The following SPACA6 variants were observed in gnomAD, a reference collection of about 807,000 sequenced individuals.
SPACA6 encodes the protein sperm acrosome membrane-associated protein 6.
For synonymous variants in SPACA6, 6 were observed against 1.5 expected (o/e 4.05, Z -2.21); for missense variants, 8 against 2.8 (o/e 2.88, Z -1.34).
chr19:51,705,495 G>T (rs769212260), downstream of SPACA6: 24 of 188,506 alleles, frequency 1.3e-4, no homozygotes, highest in Non-Finnish European at 2.1e-4. Context: ...AGAAACCTTG[G>T]AATCTAACTT....
At chr19:51,710,251 G>A (rs1022312074), downstream of SPACA6, among the ~76,000 whole-genome samples, 2 of 152,226 alleles carry the variant, frequency 1.3e-5, no homozygotes, top group Admixed American at 1.3e-4. Flanking sequence ...TTGAAGGCAA[G>A]CTTCTTAATT....
At chr19:51,684,191 G>T (rs751501102), upstream of SPACA6, among the ~76,000 whole-genome samples, 1 of 152,076 alleles carries the variant, frequency 6.6e-6, no homozygotes, top group Non-Finnish European at 1.5e-5. Flanking sequence ...ATGTGGAGTG[G>T]GTTACTTAAA....
intron 2 of SPACA6, among the ~76,000 whole-genome samples, 161 bp downstream of exon 2, chr19:51,694,716 G>A (rs970886237): frequency 3.4e-5 from 5 of 148,516 alleles, no homozygotes; most frequent in African/African-American, 5.0e-5. Flanking sequence ...TTGTCCAAAC[G>A]AAGGCTGAAG....
downstream of SPACA6, among the ~76,000 whole-genome samples, chr19:51,707,413 G>A (rs983514902): frequency 6.6e-6 from 1 of 151,962 alleles, no homozygotes; most frequent in African/African-American, 2.4e-5. Context: ...AGTAGAGACG[G>A]GGTTTCAATA....
At chr19:51,691,832 G>A (rs34738545), upstream of SPACA6, among the ~76,000 whole-genome samples, 23,835 of 150,026 alleles carry the variant, frequency 0.16, 1,972 homozygotes, top group African/African-American at 0.19. Flanking sequence ...GCTGGGTCCC[G>A]GGGTCCAGAA....
intron 2 of SPACA6, among the ~76,000 whole-genome samples, chr19:51,697,424 C>T (rs754575256): frequency 7.9e-5 from 12 of 152,106 alleles, no homozygotes; most frequent in Admixed American, 3.3e-4. Flanking sequence ...CTTGCCCATG[C>T]GTGCAAAAGG....
At chr19:51,690,907 G>C (rs1012426050), upstream of SPACA6, among the ~76,000 whole-genome samples, 1 of 151,762 alleles carries the variant, frequency 6.6e-6, no homozygotes, top group Non-Finnish European at 1.5e-5. Flanking sequence ...AGGTTGGTGT[G>C]GGGGGGTGGG....
rs72349418 is a variant in SPACA6, at chr19:51,703,801, G to GA, written c.574-219dup. Among the ~76,000 whole-genome samples, 402 of 148,520 alleles carry GA rather than the reference G, an allele frequency of 2.7e-3. 2 individuals carry two copies. The highest frequency in any genetic ancestry group is 4.8e-3 in the Non-Finnish European group (324 of 66,868). ...CGCCAGAACGAGACCCTGTCTGGAAGAAAAAAAAAATACATAAATAAAAGC... is the reference window on the plus strand; with the variant it reads ...CGCCAGAACGAGACCCTGTCTGGAAGAAAAAAAAAAATACATAAATAAAAGC... On this transcript the variant is annotated intron_variant, in intron 6 of 8. Transcript: ENST00000637797. The surrounding 1 kb of genome is among the most constrained non-coding windows in gnomAD (Gnocchi z 4.2).
chr19:51,692,035 C>T (rs1216925947), upstream of SPACA6, among the ~76,000 whole-genome samples: 1 of 152,010 alleles, frequency 6.6e-6, no homozygotes, highest in African/African-American at 2.4e-5. The surrounding 1 kb of genome is among the most constrained non-coding windows in gnomAD (Gnocchi z 5.6). Flanking sequence ...GGTATGGGGT[C>T]AGCGCTGGGA....
chr19:51,703,898 G>A lies in SPACA6; in HGVS notation c.574-132G>A, dbSNP rs115378814. The A allele has an allele frequency of 7.6e-6, 3 of 397,090 alleles. No individual in the cohort carries two copies. The highest frequency in any genetic ancestry group is 6.2e-4 in the Middle Eastern group (1 of 1,612). 24.6% of individuals were successfully genotyped at this position (397,090 alleles called of 1,614,324 possible). On this transcript the variant is annotated intron_variant, in intron 6 of 8. Transcript: ENST00000637797. This position sits in a 1 kb window ranked among gnomAD's most constrained non-coding sequence, Gnocchi z 4.2. ...AGGGGTGCGTTTAGGGCAGGGGAGCGAGAAGGCTCGGGGGCGGGCTCAAGG... is the reference window on the plus strand; with the variant it reads ...AGGGGTGCGTTTAGGGCAGGGGAGCAAGAAGGCTCGGGGGCGGGCTCAAGG...
At chr19:51,699,490 G>T (rs1471647250) in intron 2 of SPACA6, among the ~76,000 whole-genome samples, 6 of 152,146 alleles carry the variant, frequency 3.9e-5, no homozygotes, top group Non-Finnish European at 1.5e-5. Flanking sequence ...TGGTTTGCTA[G>T]GACCACTGTA....
At chr19:51,696,639 G>C (rs527828636) in intron 2 of SPACA6, among the ~76,000 whole-genome samples, 70 of 151,994 alleles carry the variant, frequency 4.6e-4, no homozygotes, top group African/African-American at 1.6e-3. Context: ...TGTAATGATG[G>C]TGTCTTGTTA....
intron 2 of SPACA6, among the ~76,000 whole-genome samples, chr19:51,700,974 C>T (rs890726314): frequency 2.0e-5 from 3 of 152,142 alleles, no homozygotes; most frequent in Non-Finnish European, 2.9e-5. Flanking sequence ...GTAACCCCAG[C>T]ACTTTGGGAG....
At chr19:51,692,033 G>C (rs1357881490), upstream of SPACA6, among the ~76,000 whole-genome samples, 2 of 152,124 alleles carry the variant, frequency 1.3e-5, no homozygotes, top group East Asian at 3.9e-4. This position sits in a 1 kb window ranked among gnomAD's most constrained non-coding sequence, Gnocchi z 5.6. Context: ...CTGGTATGGG[G>C]TCAGCGCTGG....
At position 51,693,385 on chromosome 19, in the gene SPACA6, C is replaced by G; in HGVS notation, c.-142C>G. On this transcript the variant is annotated 5_prime_UTR_variant, in exon 1 of 9. Transcript: ENST00000637797. ...TGCTGGCCTGACTTCTGACCCCTGA[C>G]TCCTCATACCCTTCCTCCAGAGCAT... 2 of 690,250 alleles carry G rather than the reference C, an allele frequency of 2.9e-6. No homozygotes were observed. The highest frequency in any genetic ancestry group is 1.5e-5 in the South Asian group (1 of 65,372). The allele number at this position is 690,250 out of a possible 1,614,324, so 42.8% of individuals were successfully genotyped here.
At chr19:51,695,650 C>T (rs2083424557) in intron 2 of SPACA6, among the ~76,000 whole-genome samples, 1 of 152,172 alleles carries the variant, frequency 6.6e-6, no homozygotes. Context: ...TGCAGGATTC[C>T]AAGAAATGCC....
chr19:51,683,900 A>G, the SPACA6 span, among the ~76,000 whole-genome samples: 1 of 152,226 alleles, frequency 6.6e-6, no homozygotes, highest in African/African-American at 2.4e-5. Context: ...TGTGCTCTTA[A>G]TCACCTTGGC....
At chr19:51,690,837 C>T (rs930464465), upstream of SPACA6, among the ~76,000 whole-genome samples, 1 of 151,968 alleles carries the variant, frequency 6.6e-6, no homozygotes, top group African/African-American at 2.4e-5. Context: ...CCCTCACCCT[C>T]CTCCTCAGGC....
chr19:51,712,406 A>C (rs2083546355), downstream of SPACA6: 1 of 152,224 alleles, frequency 6.6e-6, no homozygotes, highest in Admixed American at 6.5e-5. Context: ...ATTAACCGAA[A>C]TAGAAATGGA....
Sources: allele counts gnomAD v4.1 joint callset (sites outside exome capture counted in the v4.1 genomes callset), GRCh38; gene constraint gnomAD v4.1.1; non-coding constraint Gnocchi (gnomAD v3.1); transcripts MANE v1.5; gene names NCBI Gene and HGNC (gene_info 2026-07-23, HGNC 2026-07-21).